The following PHLPP1 variants were observed in gnomAD, a reference collection of about 807,000 sequenced individuals.
PHLPP1 encodes PH domain leucine-rich repeat-containing protein phosphatase 1.
Under a neutral mutation model 117.2 loss-of-function variants are expected in PHLPP1, and 42 were observed. The observed-to-expected ratio is 0.36, with a 90% CI of 0.28 to 0.46. The LOEUF (loss-of-function observed/expected upper bound fraction) is 0.46. Among genes scored for constraint, PHLPP1 ranks in the 20% least tolerant of loss-of-function variants. PHLPP1 has a pLI of 1.00. For synonymous variants in PHLPP1, 1,042 were observed against 970.7 expected (o/e 1.07, Z -1.37); for missense variants, 2,084 against 2,241.9 (o/e 0.93, Z 1.42).
intron 10 of PHLPP1, among the ~76,000 whole-genome samples, chr18:62,935,395 C>G (rs959649400): frequency 1.3e-5 from 2 of 152,078 alleles, no homozygotes; most frequent in African/African-American, 4.8e-5. Flanking sequence ...AAACAATATT[C>G]CTTGTTCTTA....
At chr18:62,917,370 T>C (rs1300443553) in intron 9 of PHLPP1, among the ~76,000 whole-genome samples, 1 of 149,304 alleles carries the variant, frequency 6.7e-6, no homozygotes, top group Non-Finnish European at 1.5e-5. Context: ...AAATGCTCTA[T>C]TGTTAAAGAA....
intron 1 of PHLPP1, among the ~76,000 whole-genome samples, chr18:62,788,689 C>T (rs1913369725): frequency 6.6e-6 from 1 of 151,974 alleles, no homozygotes; most frequent in Non-Finnish European, 1.5e-5. Context: ...TGTAAAATTA[C>T]CATACCAAAC....
At chr18:62,817,676 G>GA (rs1914326468) in intron 1 of PHLPP1, among the ~76,000 whole-genome samples, 1 of 151,702 alleles carries the variant, frequency 6.6e-6, no homozygotes, top group Admixed American at 6.6e-5. Flanking sequence ...AATAATGGCT[G>GA]AAAAAATATC....
rs191394987 is a variant in PHLPP1 at position 62,761,866 on chromosome 18, C to T, written c.1576+44607C>T. 1.1e-3 allele frequency among the ~76,000 whole-genome samples: 165 copies of T among 152,182 alleles called. 2 individuals are homozygous for T. Among genetic ancestry groups the T allele is most frequent in the African/African-American group, 3.8e-3 (157 of 41,542 alleles). On this transcript the variant is annotated intron_variant, in intron 1 of 16. Coordinates refer to ENST00000262719, the MANE Select transcript of PHLPP1 (RefSeq NM_194449.4). Reference sequence around the variant, plus strand: ...TGAAGCAGTCCTCCTGCCTCAGCCTCTCAAAGTGTTGGGATTATAGGCATG... The same window carrying T: ...TGAAGCAGTCCTCCTGCCTCAGCCTTTCAAAGTGTTGGGATTATAGGCATG...
chr18:62,963,139 C>T (rs368203940), intron 13 of PHLPP1, among the ~76,000 whole-genome samples: 6 of 152,326 alleles, frequency 3.9e-5, no homozygotes, highest in African/African-American at 1.2e-4. Flanking sequence ...AGCTGCTTTA[C>T]GATGCTCATT....
intron 2 of PHLPP1, among the ~76,000 whole-genome samples, chr18:62,831,545 G>C (rs1914756662): frequency 6.6e-6 from 1 of 152,110 alleles, no homozygotes; most frequent in African/African-American, 2.4e-5. Flanking sequence ...CACCATGTTA[G>C]CCAGGATGGT....
intron 1 of PHLPP1, among the ~76,000 whole-genome samples, chr18:62,771,118 G>A (rs1029368890): frequency 2.0e-5 from 3 of 151,584 alleles, no homozygotes; most frequent in African/African-American, 7.3e-5. Flanking sequence ...GGAGGCTGAG[G>A]CAGGAAAATC....
In PHLPP1 at chr18:62,717,024, C is replaced by G. The variant is rs1195413363; in HGVS notation, c.1341C>G (p.Gly447=). 4 of 1,545,266 alleles carry G rather than the reference C, an allele frequency of 2.6e-6. No individual in the cohort carries two copies. In the Admixed American group the frequency reaches 7.9e-5, roughly 30 times the overall value. ...CAGCGGCAGCCGTGGCCCCGGGAGGCCTCCAGTCTACCCCCGGGAGGAGCG... is the reference window on the plus strand; with the variant it reads ...CAGCGGCAGCCGTGGCCCCGGGAGGGCTCCAGTCTACCCCCGGGAGGAGCG... ...EKAAAAVAPG[G]LQSTPGRSGV... The change falls in exon 1 of 17, where the codon GGC becomes GGG. Residue 447 remains glycine, a synonymous_variant. Coordinates refer to ENST00000262719, the MANE Select transcript of PHLPP1 (RefSeq NM_194449.4).
intron 1 of PHLPP1, among the ~76,000 whole-genome samples, chr18:62,815,648 A>G (rs1043002434): frequency 2.6e-5 from 4 of 152,250 alleles, no homozygotes; most frequent in Middle Eastern, 3.4e-3. Flanking sequence ...GGAGGAAGCT[A>G]TATGCTTTTA....
At chr18:62,811,021 TG>T (rs1333271236) in intron 1 of PHLPP1, among the ~76,000 whole-genome samples, 2 of 152,106 alleles carry the variant, frequency 1.3e-5, no homozygotes, top group Admixed American at 6.5e-5. Context: ...AGAGGACACA[TG>T]GAGATATAGA....
intron 3 of PHLPP1, among the ~76,000 whole-genome samples, chr18:62,853,352 CTT>C (rs368635124): frequency 2.1e-5 from 3 of 141,948 alleles, no homozygotes. Flanking sequence ...TTTCTTTTTT[CTT>C]TTTTTTTTTT....
chr18:62,972,616 C>T lies in PHLPP1; in HGVS notation c.3663C>T (p.Leu1221=). The T allele has an allele frequency of 6.2e-7, 1 of 1,613,728 alleles. No individual in the cohort carries two copies. The highest frequency in any genetic ancestry group is 1.7e-5 in the Admixed American group (1 of 60,020). ...GGAATGTGGAGGTGCCCTACCTTCT[C>T]CAGTGCACTATGAGTGACATTTTGG... ...GDRNVEVPYL[L]QCTMSDILAE... is the part of the protein sequence containing the mutation. Residue 1221 remains leucine (L), a synonymous_variant, in exon 15 of 17, where the codon CTC becomes CTT. Coordinates refer to ENST00000262719, the MANE Select transcript of PHLPP1 (RefSeq NM_194449.4).
intron 1 of PHLPP1, among the ~76,000 whole-genome samples, chr18:62,754,404 A>G (rs1911948031): frequency 6.6e-6 from 1 of 152,230 alleles, no homozygotes; most frequent in Non-Finnish European, 1.5e-5. Flanking sequence ...TGCAGTCTTC[A>G]TACTTTTTTT....
At chr18:62,932,939 G>A (rs755154170) in intron 10 of PHLPP1, among the ~76,000 whole-genome samples, 2 of 152,076 alleles carry the variant, frequency 1.3e-5, no homozygotes, top group Non-Finnish European at 2.9e-5. Flanking sequence ...ATCAGCACCC[G>A]AAATCAGTAG....
chr18:62,941,877 C>G lies in PHLPP1; in HGVS notation c.3120C>G (p.Ile1040Met). The G allele has an allele frequency of 6.2e-7, 1 of 1,613,966 alleles. No individual in the cohort carries two copies. The highest frequency in any genetic ancestry group is 1.1e-5 in the South Asian group (1 of 91,074). Residue 1040 changes from isoleucine (I) to methionine (M), a missense_variant, in exon 11 of 17, where the codon ATC (isoleucine) becomes ATG (methionine). Physicochemically the swap from Ile to Met is conservative, Grantham distance 10. Around this residue, in one of 2 missense-constraint regions of PHLPP1, gnomAD observed 1,365 missense variants for 1,605.9 expected, o/e 0.85. Coordinates refer to ENST00000262719, the MANE Select transcript of PHLPP1 (RefSeq NM_194449.4). Reference sequence around the variant, plus strand: ...TAACGGGACACCCCCATTTGAAGATCCTTCACATGGCCTATAACCGACTTC... The same window carrying G: ...TAACGGGACACCCCCATTTGAAGATGCTTCACATGGCCTATAACCGACTTC... ...PLLTGHPHLK[I>M]LHMAYNRLQS... is the part of the protein sequence containing the mutation.
chr18:62,900,698 A>G (rs932735440), intron 6 of PHLPP1, among the ~76,000 whole-genome samples: 6 of 151,536 alleles, frequency 4.0e-5, no homozygotes, highest in African/African-American at 1.5e-4. Flanking sequence ...CGAACCTTCT[A>G]CTTCAGCCTC....
chr18:62,902,119 A>G (rs1016458547), intron 6 of PHLPP1, among the ~76,000 whole-genome samples: 4 of 151,960 alleles, frequency 2.6e-5, no homozygotes, highest in African/African-American at 7.3e-5. Flanking sequence ...CCTAGTCCCC[A>G]TTACTACTTA....
chr18:62,904,429 A>G (rs933914556), intron 7 of PHLPP1, among the ~76,000 whole-genome samples: 23 of 152,256 alleles, frequency 1.5e-4, no homozygotes, highest in Admixed American at 3.9e-4. Flanking sequence ...GAATGCATTT[A>G]TAGAAGAAGG....
intron 8 of PHLPP1, among the ~76,000 whole-genome samples, chr18:62,912,558 A>G (rs1158393470): frequency 6.6e-6 from 1 of 151,928 alleles, no homozygotes; most frequent in Non-Finnish European, 1.5e-5. Flanking sequence ...AGAGCAGTAT[A>G]GGAAGAGTAT....
Sources: gnomAD v4.1 joint callset for allele counts (sites outside exome capture counted in the v4.1 genomes callset) on GRCh38, gnomAD v4.1.1 for gene constraint, gnomAD v4.1.1 regional missense constraint, MANE v1.5 for transcripts, NCBI Gene and HGNC (gene_info 2026-07-23, HGNC 2026-07-21) for gene names.